CDK8: variants seen among roughly 807,000 people sequenced by gnomAD.
CDK8 encodes the protein cyclin-dependent kinase 8.
Under a neutral mutation model 71.5 loss-of-function variants are expected in CDK8, and 29 were observed. The ratio of observed to expected loss-of-function variants is 0.41; its 90% CI spans 0.30 to 0.55. CDK8 has a LOEUF of 0.55. CDK8 is among the 20% of genes least tolerant of loss of function. CDK8 has a pLI of 0.37. For synonymous variants in CDK8, 161 were observed against 192.1 expected (o/e 0.84, Z 1.34); for missense variants, 288 against 572.6 (o/e 0.50, Z 5.07).
At chr13:26,305,061 T>C (rs544779366) in intron 1 of CDK8, among the ~76,000 whole-genome samples, 2 of 152,342 alleles carry the variant, frequency 1.3e-5, no homozygotes, top group South Asian at 4.1e-4. Context: ...CTTTCACTTT[T>C]ACAGTTTATT....
At chr13:26,398,962 CAA>C (rs200778680) in intron 9 of CDK8, among the ~76,000 whole-genome samples, 10 of 136,766 alleles carry the variant, frequency 7.3e-5, no homozygotes, top group Admixed American at 7.2e-5. Flanking sequence ...GACTCTATCT[CAA>C]AAAAAAAAAA....
chr13:26,327,520 G>A (rs1185184666), intron 1 of CDK8, among the ~76,000 whole-genome samples: 2 of 152,106 alleles, frequency 1.3e-5, no homozygotes, highest in African/African-American at 4.8e-5. Context: ...AATAGTTCTA[G>A]GCAGTTTTTG....
At position 26,405,102 on chromosome 13, in the gene CDK8, G is replaced by GA. The variant is rs1306316810; in HGVS notation, c.*1030dup. Reference sequence around the variant, plus strand: ...GTAGGAGAGCCTTAGAATTTTTGAGGAAAAAAAAACCTATAACATACAATG... The same window carrying GA: ...GTAGGAGAGCCTTAGAATTTTTGAGGAAAAAAAAAACCTATAACATACAATG... On this transcript the variant is annotated 3_prime_UTR_variant, in exon 13 of 13. Coordinates refer to ENST00000381527, the MANE Select transcript of CDK8 (RefSeq NM_001260.3). 54 of 176,246 alleles carry GA rather than the reference G, an allele frequency of 3.1e-4. No homozygotes were observed. Among genetic ancestry groups the GA allele is most frequent in the East Asian group, 6.5e-4 (7 of 10,700 alleles). 10.9% of individuals were successfully genotyped at this position (176,246 alleles called of 1,614,324 possible). A position where few individuals can be genotyped will look rare whatever the true frequency, so the allele number is the denominator to read the frequency against.
At chr13:26,306,468 C>T (rs1278811390) in intron 1 of CDK8, among the ~76,000 whole-genome samples, 6 of 151,958 alleles carry the variant, frequency 3.9e-5, no homozygotes, top group Non-Finnish European at 7.4e-5. Flanking sequence ...TAGTGATATT[C>T]TACTTTTTCA....
At chr13:26,285,840 A>G (rs1566471861) in intron 1 of CDK8, among the ~76,000 whole-genome samples, 1 of 152,234 alleles carries the variant, frequency 6.6e-6, no homozygotes, top group Non-Finnish European at 1.5e-5. Flanking sequence ...GCTAAACACC[A>G]ACAATAACAA....
At chr13:26,395,443 A>G (rs992539803) in intron 7 of CDK8, among the ~76,000 whole-genome samples, 6 of 150,008 alleles carry the variant, frequency 4.0e-5, no homozygotes, top group African/African-American at 1.2e-4. Context: ...AGATCGCACC[A>G]TTGCACTCCG....
chr13:26,270,906 C>T (rs1872288355), intron 1 of CDK8, among the ~76,000 whole-genome samples: 2 of 152,184 alleles, frequency 1.3e-5, no homozygotes, highest in African/African-American at 4.8e-5. Context: ...CTGTTTTCCA[C>T]AGCTGCTACA....
intron 2 of CDK8, among the ~76,000 whole-genome samples, chr13:26,338,898 T>C (rs1272412901): frequency 1.3e-5 from 2 of 152,144 alleles, no homozygotes; most frequent in Admixed American, 6.5e-5. Flanking sequence ...ACGGGTTATA[T>C]ATGTGAAAAT....
At chr13:26,314,385 A>G (rs1440325788) in intron 1 of CDK8, among the ~76,000 whole-genome samples, 2 of 152,246 alleles carry the variant, frequency 1.3e-5, no homozygotes, top group Non-Finnish European at 2.9e-5. Flanking sequence ...ATTTAAAGAA[A>G]GAAATCAAAC....
chr13:26,319,468 TAAAA>T (rs541642068), intron 1 of CDK8, among the ~76,000 whole-genome samples: 1 of 137,508 alleles, frequency 7.3e-6, no homozygotes, highest in African/African-American at 2.7e-5. Context: ...AAACTCCACT[TAAAA>T]AAAAAAAAAA....
chr13:26,315,632 A>C (rs1015557791), intron 1 of CDK8, among the ~76,000 whole-genome samples: 2 of 152,172 alleles, frequency 1.3e-5, no homozygotes, highest in Admixed American at 1.3e-4. Context: ...CTGTGGAACC[A>C]ATTTAGCATT....
chr13:26,357,155 T>C (rs1046965545), intron 4 of CDK8, among the ~76,000 whole-genome samples: 1 of 152,222 alleles, frequency 6.6e-6, no homozygotes, highest in Non-Finnish European at 1.5e-5. Flanking sequence ...TCCTATTTAA[T>C]AAATAATGAT....
At chr13:26,386,106 A>G (rs1311274376) in intron 6 of CDK8, among the ~76,000 whole-genome samples, 2 of 152,180 alleles carry the variant, frequency 1.3e-5, no homozygotes, top group Non-Finnish European at 2.9e-5. Flanking sequence ...CCTCCCTATT[A>G]TAAAGAATGA....
Position 26,254,601 on chromosome 13 carries a change from CGG to C in CDK8, c.-40_-39del. On this transcript the variant is annotated 5_prime_UTR_variant, in exon 1 of 13. Coordinates refer to ENST00000381527, the MANE Select transcript of CDK8 (RefSeq NM_001260.3). The surrounding 1 kb of genome is among the most constrained non-coding windows in gnomAD (Gnocchi z 6.7). Reference sequence around the variant, plus strand: ...TTCCCCGGTCCCCACCCCTGCCCCCCGGCCCCCCGACCCAGCTCTCCGGCCTC... The same window carrying C: ...TTCCCCGGTCCCCACCCCTGCCCCCCCCCCCCGACCCAGCTCTCCGGCCTC... 4.0e-6 allele frequency: 6 copies of C among 1,501,972 alleles called. No individual in the cohort carries two copies. In the African/African-American group the frequency reaches 4.2e-5, roughly 10 times the overall value. The allele number at this position is 1,501,972 out of a possible 1,614,324, so 93.0% of individuals were successfully genotyped here.
intron 3 of CDK8, among the ~76,000 whole-genome samples, chr13:26,352,591 T>A (rs1372944324): frequency 6.6e-6 from 1 of 152,212 alleles, no homozygotes; most frequent in African/African-American, 2.4e-5. Context: ...ACAGCCTAGA[T>A]TATTAAATTG....
intron 6 of CDK8, among the ~76,000 whole-genome samples, chr13:26,387,694 C>G (rs577558098): frequency 9.8e-5 from 15 of 152,302 alleles, no homozygotes; most frequent in Admixed American, 9.8e-4. Flanking sequence ...AACAACAGCA[C>G]TGTGTCCTGA....
In CDK8 at chr13:26,254,257, C is replaced by T. The variant is rs1300468050; in HGVS notation, c.-385C>T. The T allele has an allele frequency of 2.5e-5, 7 of 279,056 alleles. No homozygotes were observed. Among genetic ancestry groups the T allele is most frequent in the Middle Eastern group, 1.0e-3 (1 of 986 alleles). 17.3% of individuals were successfully genotyped at this position (279,056 alleles called of 1,614,324 possible). ...GTGCGCGTGTGAGAGGACGAGAGCCCGCCTGGCCGCCCCGCCGCTCCCGCC... is the reference window on the plus strand; with the variant it reads ...GTGCGCGTGTGAGAGGACGAGAGCCTGCCTGGCCGCCCCGCCGCTCCCGCC... On this transcript the variant is annotated 5_prime_UTR_variant, in exon 1 of 13. Coordinates refer to ENST00000381527, the MANE Select transcript of CDK8 (RefSeq NM_001260.3). This position sits in a 1 kb window ranked among gnomAD's most constrained non-coding sequence, Gnocchi z 6.7.
At chr13:26,371,898 A>G (rs562534589) in intron 4 of CDK8, among the ~76,000 whole-genome samples, 1 of 152,302 alleles carries the variant, frequency 6.6e-6, no homozygotes, top group African/African-American at 2.4e-5. Flanking sequence ...GATTACGAGC[A>G]TGAGCTACCG....
intron 1 of CDK8, among the ~76,000 whole-genome samples, chr13:26,303,072 G>T (rs773903786): frequency 1.3e-5 from 2 of 151,928 alleles, no homozygotes; most frequent in African/African-American, 2.4e-5. Flanking sequence ...TTTTATGTAT[G>T]CAGGCATATT....
Sources: allele counts gnomAD v4.1 joint callset (sites outside exome capture counted in the v4.1 genomes callset), GRCh38; gene constraint gnomAD v4.1.1; non-coding constraint Gnocchi (gnomAD v3.1); transcripts MANE v1.5; gene names NCBI Gene and HGNC (gene_info 2026-07-23, HGNC 2026-07-21).